Variants in GRM8 observed in about 807,000 individuals in gnomAD.
GRM8 encodes metabotropic glutamate receptor 8.
GRM8 carries 47 observed loss-of-function variants against 87.2 expected under a neutral mutation model. The ratio of observed to expected loss-of-function variants is 0.54; its 90% CI spans 0.43 to 0.69. The LOEUF (loss-of-function observed/expected upper bound fraction) is 0.69. GRM8 is among the 30% of genes least tolerant of loss of function. The pLI, the probability that GRM8 is intolerant of heterozygous loss-of-function variation, is 0.00. For synonymous variants in GRM8, 396 were observed against 404.5 expected, an observed-to-expected ratio of 0.98 and a Z score of 0.25; for missense variants, 1,019 against 1,139.2, an observed-to-expected ratio of 0.89 and a Z score of 1.52.
At chr7:126,468,526 T>C (rs1303901457) in intron 9 of GRM8, among the ~76,000 whole-genome samples, 1 of 152,088 alleles carries the variant, frequency 6.6e-6, no homozygotes, top group Non-Finnish European at 1.5e-5. Flanking sequence ...AATTCTTCAA[T>C]CCTACAATTT....
intron 2 of GRM8, among the ~76,000 whole-genome samples, chr7:127,143,294 C>T (rs1490709255): frequency 2.0e-5 from 3 of 152,088 alleles, no homozygotes; most frequent in Admixed American, 2.0e-4. Context: ...AATAAATAGT[C>T]ACTTCCAATA....
chr7:127,078,439 T>A (rs556880201), intron 3 of GRM8, among the ~76,000 whole-genome samples: 1 of 152,234 alleles, frequency 6.6e-6, no homozygotes, highest in African/African-American at 2.4e-5. Context: ...TCAGAGCAGC[T>A]CCTCCAATCT....
At chr7:127,022,261 G>T (rs952236233) in intron 3 of GRM8, among the ~76,000 whole-genome samples, 1 of 151,774 alleles carries the variant, frequency 6.6e-6, no homozygotes, top group African/African-American at 2.4e-5. Context: ...GGAAGCAGTG[G>T]TTCTTAAGTA....
At chr7:126,983,652 C>T (rs188101275) in intron 3 of GRM8, among the ~76,000 whole-genome samples, 39 of 152,196 alleles carry the variant, frequency 2.6e-4, no homozygotes, top group African/African-American at 5.3e-4. Context: ...TACTCCACAA[C>T]GGAGGTAAGG....
chr7:126,474,568 T>C (rs1431472304), intron 9 of GRM8, among the ~76,000 whole-genome samples: 1 of 152,142 alleles, frequency 6.6e-6, no homozygotes, highest in East Asian at 1.9e-4. Context: ...CCAACCTACA[T>C]GCATTTTTAA....
At chr7:126,920,256 C>T (rs1804377311) in intron 3 of GRM8, among the ~76,000 whole-genome samples, 1 of 152,140 alleles carries the variant, frequency 6.6e-6, no homozygotes, top group Non-Finnish European at 1.5e-5. Context: ...ACTTTCCAGC[C>T]TCCAGAACTG....
In GRM8 at chr7:126,995,943, C is replaced by A. The variant is rs535840542; in HGVS notation, c.728-91260G>T. Among the ~76,000 whole-genome samples, 74 of 151,940 alleles carry A rather than the reference C, an allele frequency of 4.9e-4. 2 individuals carry two copies. The highest frequency in any genetic ancestry group is 1.9e-4 in the Non-Finnish European group (13 of 67,884). On this transcript the variant is annotated intron_variant, in intron 3 of 10. Transcript: ENST00000339582. ...ATAATCAAATTCAAAGATAAAGAAT[C>A]CTAAAAGCAGCAAGAGAAAAAAAAC...
chr7:126,491,724 T>C (rs1808038048), intron 9 of GRM8, among the ~76,000 whole-genome samples: 1 of 152,026 alleles, frequency 6.6e-6, no homozygotes, highest in Non-Finnish European at 1.5e-5. Flanking sequence ...ATGTTAACAA[T>C]AGGAAAGGCT....
chr7:127,168,841 A>G (rs1793609419), intron 2 of GRM8, among the ~76,000 whole-genome samples: 1 of 151,820 alleles, frequency 6.6e-6, no homozygotes, highest in African/African-American at 2.4e-5. Flanking sequence ...AACATCACAC[A>G]CGGGGGCCTG....
chr7:127,055,145 AC>A (rs1819860326), intron 3 of GRM8, among the ~76,000 whole-genome samples: 1 of 152,174 alleles, frequency 6.6e-6, no homozygotes, highest in Non-Finnish European at 1.5e-5. Flanking sequence ...TTGGTGTTGA[AC>A]CTTAAAGAAA....
intron 7 of GRM8, among the ~76,000 whole-genome samples, chr7:126,660,991 C>T (rs1805101015): frequency 6.6e-6 from 1 of 151,970 alleles, no homozygotes; most frequent in African/African-American, 2.4e-5. Context: ...AGAAGGTTAC[C>T]AGAGACTGGG....
intron 2 of GRM8, among the ~76,000 whole-genome samples, chr7:127,119,762 C>T (rs912911395): frequency 2.6e-5 from 4 of 152,136 alleles, no homozygotes; most frequent in African/African-American, 7.2e-5. Flanking sequence ...TAAGCACTTA[C>T]GATATGTCAA....
At chr7:126,472,961 G>A (rs1156700024) in intron 9 of GRM8, among the ~76,000 whole-genome samples, 2 of 152,212 alleles carry the variant, frequency 1.3e-5, no homozygotes, top group African/African-American at 2.4e-5. Context: ...TTGTGATTTG[G>A]TAACCTCTGC....
chr7:126,711,911 T>A (rs1178028275), intron 7 of GRM8, among the ~76,000 whole-genome samples: 1 of 152,250 alleles, frequency 6.6e-6, no homozygotes, highest in African/African-American at 2.4e-5. Flanking sequence ...TATAAAGGAA[T>A]GTTGTGACTG....
At chr7:127,021,958 G>A (rs865983622) in intron 3 of GRM8, among the ~76,000 whole-genome samples, 2 of 152,088 alleles carry the variant, frequency 1.3e-5, no homozygotes, top group South Asian at 2.1e-4. Context: ...GTTGAATGCC[G>A]ATGAAACAAT....
At chr7:127,099,878 A>G (rs1186317481) in intron 3 of GRM8, among the ~76,000 whole-genome samples, 1 of 152,172 alleles carries the variant, frequency 6.6e-6, no homozygotes, top group Non-Finnish European at 1.5e-5. Flanking sequence ...TTGCAAATGT[A>G]GTTAGTTAAG....
chr7:126,956,644 A>C (rs973835129), intron 3 of GRM8, among the ~76,000 whole-genome samples: 2 of 152,204 alleles, frequency 1.3e-5, no homozygotes, highest in Non-Finnish European at 2.9e-5. Flanking sequence ...TCTCCCCCTT[A>C]AAATGAAGAG....
intron 2 of GRM8, among the ~76,000 whole-genome samples, chr7:127,135,883 T>A (rs1827922123): frequency 6.6e-6 from 1 of 152,168 alleles, no homozygotes; most frequent in Admixed American, 6.5e-5. Context: ...AAATTGAGAA[T>A]TATTTTTCCT....
At chr7:126,797,633 A>G (rs545796774) in intron 6 of GRM8, among the ~76,000 whole-genome samples, 1 of 152,258 alleles carries the variant, frequency 6.6e-6, no homozygotes, top group East Asian at 1.9e-4. Context: ...TCTGAAGCCA[A>G]AACCTTTTAG....
Sources: allele counts gnomAD v4.1 joint callset (sites outside exome capture counted in the v4.1 genomes callset), GRCh38; gene constraint gnomAD v4.1.1; transcripts MANE v1.5; gene names NCBI Gene and HGNC (gene_info 2026-07-23, HGNC 2026-07-21).